Variants in ITPR1 observed in about 807,000 individuals in gnomAD.
The protein encoded by ITPR1 is inositol 1,4,5-trisphosphate-gated calcium channel ITPR1.
A neutral mutation model predicts 318.4 loss-of-function variants in ITPR1; 96 were observed. The ratio of observed to expected loss-of-function variants is 0.30; its 90% CI spans 0.26 to 0.36. ITPR1 has a LOEUF of 0.36. Ranked by LOEUF, ITPR1 falls within the 10% of genes least tolerant of loss-of-function variation. The pLI, the probability that ITPR1 is intolerant of heterozygous loss-of-function variation, is 1.00. For missense variants in ITPR1, 2,440 were observed against 3,460.2 expected, an observed-to-expected ratio of 0.71 and a Z score of 7.40; for synonymous variants, 1,312 against 1,289.9, an observed-to-expected ratio of 1.02 and a Z score of -0.37.
In ITPR1 at chr3:4,675,054, TTTTAATACAA is replaced by T. The variant is rs1227402187; in HGVS notation, c.2599-12_2599-3del. 1.4e-6 allele frequency: 2 copies of T among 1,434,800 alleles called. No individual in the cohort carries two copies. The allele number at this position is 1,434,800 out of a possible 1,614,324, so 88.9% of individuals were successfully genotyped here. A position where few individuals can be genotyped will look rare whatever the true frequency, so the allele number is the denominator to read the frequency against. Reference sequence around the variant, plus strand: ...TATGTAATACCGTCTTCTTCTTTTATTTTAATACAATAGGTTGTAAATTTAGCTAGGAATC... The same window carrying T: ...TATGTAATACCGTCTTCTTCTTTTATTAGGTTGTAAATTTAGCTAGGAATC... On this transcript the variant is annotated splice_polypyrimidine_tract_variant and splice_region_variant and intron_variant, in intron 22 of 61. Transcript: ENST00000649015.
At chr3:4,715,761 G>A (rs1412867292) in intron 39 of ITPR1, among the ~76,000 whole-genome samples, 1 of 152,196 alleles carries the variant, frequency 6.6e-6, no homozygotes, top group Non-Finnish European at 1.5e-5. Flanking sequence ...GCTGAGGCAG[G>A]AGAATTACTT....
intron 4 of ITPR1, among the ~76,000 whole-genome samples, chr3:4,620,832 C>T (rs1007963169): frequency 4.6e-5 from 7 of 152,120 alleles, no homozygotes; most frequent in African/African-American, 1.7e-4. Flanking sequence ...GGATCTCCCT[C>T]ACTCCAGATG....
At chr3:4,553,757 C>A (rs1005523205) in intron 4 of ITPR1, among the ~76,000 whole-genome samples, 1 of 151,652 alleles carries the variant, frequency 6.6e-6, no homozygotes, top group Non-Finnish European at 1.5e-5. Context: ...CCCACCACCA[C>A]GCCTGGCTAA....
chr3:4,799,096 A>T (rs1054505342), intron 53 of ITPR1, among the ~76,000 whole-genome samples: 2 of 152,246 alleles, frequency 1.3e-5, no homozygotes, highest in Non-Finnish European at 2.9e-5. Context: ...TTTTTAAAAT[A>T]TTGATTAAGG....
chr3:4,636,103 G>T (rs564240935), intron 5 of ITPR1, among the ~76,000 whole-genome samples: 1 of 150,042 alleles, frequency 6.7e-6, no homozygotes, highest in African/African-American at 2.5e-5. Context: ...CACGTGATCC[G>T]CCCAAAGTGC....
chr3:4,718,878 A>G (rs903617704), intron 40 of ITPR1, among the ~76,000 whole-genome samples: 13 of 152,144 alleles, frequency 8.5e-5, no homozygotes, highest in African/African-American at 2.7e-4. Context: ...TGATGTTGGC[A>G]CCCTTTAAGA....
At chr3:4,503,582 C>G (rs183666746) in intron 2 of ITPR1, among the ~76,000 whole-genome samples, 5 of 152,170 alleles carry the variant, frequency 3.3e-5, no homozygotes, top group Non-Finnish European at 7.4e-5. Context: ...TTGGTATCGT[C>G]TGGAGATATT....
chr3:4,626,900 C>G (rs1575787976), intron 4 of ITPR1, among the ~76,000 whole-genome samples: 1 of 152,168 alleles, frequency 6.6e-6, no homozygotes, highest in Non-Finnish European at 1.5e-5. Context: ...CTCACTGCAA[C>G]CTCTGCTTCC....
chr3:4,525,112 G>T (rs2082876512), intron 4 of ITPR1, among the ~76,000 whole-genome samples: 1 of 151,998 alleles, frequency 6.6e-6, no homozygotes, highest in Admixed American at 6.6e-5. Context: ...ATTGTTTGTG[G>T]GTGGGGACGT....
At chr3:4,526,745 G>A (rs2083012423) in intron 4 of ITPR1, among the ~76,000 whole-genome samples, 1 of 152,210 alleles carries the variant, frequency 6.6e-6, no homozygotes, top group Non-Finnish European at 1.5e-5. Flanking sequence ...CCCATAGTCA[G>A]TTAAATGTCA....
intron 4 of ITPR1, among the ~76,000 whole-genome samples, chr3:4,537,306 C>G (rs917621311): frequency 6.6e-6 from 1 of 152,140 alleles, no homozygotes; most frequent in Non-Finnish European, 1.5e-5. Context: ...ATTCACATTC[C>G]TTATGTCTTT....
intron 4 of ITPR1, among the ~76,000 whole-genome samples, chr3:4,597,350 A>T (rs191830532): frequency 1.2e-4 from 19 of 152,354 alleles, no homozygotes; most frequent in Admixed American, 1.0e-3. Flanking sequence ...CTATTAGTCC[A>T]GTAAATATAT....
intron 41 of ITPR1, among the ~76,000 whole-genome samples, chr3:4,726,130 A>G (rs2125307120): frequency 6.6e-6 from 1 of 152,250 alleles, no homozygotes; most frequent in Admixed American, 6.5e-5. Flanking sequence ...CCTGGGTTCA[A>G]GTGATTCTCC....
rs1270191837 is a variant in ITPR1 at position 4,770,087 on chromosome 3, G to T, written c.5979+1323G>T. ...GTTTCCTCCTAAGACACTCCAGTCA[G>T]CCGTGGTAGTTCTGTGTACTTGGGT... is the stretch of plus-strand genomic sequence containing the variant. On this transcript the variant is annotated intron_variant, in intron 46 of 61. Coordinates refer to ENST00000649015, the MANE Select transcript of ITPR1 (RefSeq NM_001378452.1). 2.0e-5 allele frequency among the ~76,000 whole-genome samples: 3 copies of T among 152,176 alleles called. No homozygotes were observed. In the South Asian group the frequency reaches 6.2e-4, roughly 31 times the overall value.
At chr3:4,828,506 C>T (rs1176344799) in intron 60 of ITPR1, among the ~76,000 whole-genome samples, 1 of 152,186 alleles carries the variant, frequency 6.6e-6, no homozygotes, top group Non-Finnish European at 1.5e-5. Flanking sequence ...ACCTTTTTCT[C>T]CTCCTGTCCT....
rs550756015 is a variant in ITPR1 at position 4,562,568 on chromosome 3, A to G, written c.163+41474A>G. On this transcript the variant is annotated intron_variant, in intron 4 of 61. Coordinates refer to ENST00000649015, the MANE Select transcript of ITPR1 (RefSeq NM_001378452.1). ...ATTGTTTATAGTAGGGATCATTTAA[A>G]TATGCATTACCAATATCTCAGGTTT... Among the ~76,000 whole-genome samples the G allele has an allele frequency of 2.0e-5, 3 of 152,296 alleles. No homozygotes were observed. The East Asian group carries it at 5.8e-4, about 29-fold the overall frequency.
chr3:4,512,526 C>G (rs2081912909), intron 2 of ITPR1, among the ~76,000 whole-genome samples: 1 of 152,108 alleles, frequency 6.6e-6, no homozygotes, highest in Non-Finnish European at 1.5e-5. Flanking sequence ...AAATTATCTT[C>G]CCTGAAGTAA....
At chr3:4,796,126 A>G (rs2047881710) in intron 53 of ITPR1, among the ~76,000 whole-genome samples, 1 of 152,228 alleles carries the variant, frequency 6.6e-6, no homozygotes, top group Non-Finnish European at 1.5e-5. Context: ...GCAGACATGT[A>G]TGGGTAATGA....
rs1301974310 is a variant in ITPR1 at position 4,782,658 on chromosome 3, G to A, written c.6427G>A (p.Glu2143Lys). The change falls in exon 50 of 62, where the codon GAA becomes AAA. Residue 2143 changes from glutamate (E) to lysine (K), a missense_variant. Physicochemically the swap from Glu to Lys is moderately conservative, Grantham distance 56. Coordinates refer to ENST00000649015, the MANE Select transcript of ITPR1 (RefSeq NM_001378452.1). ...IKKAYMQGEV[E>K]FEDGENGEDG... ...GAAAGCCTACATGCAAGGTGAAGTG[G>A]AATTTGAGGATGGAGAAAACGGTGA... 1 of 1,605,304 alleles carries A rather than the reference G, an allele frequency of 6.2e-7. No individual in the cohort carries two copies. The highest frequency in any genetic ancestry group is 8.5e-7 in the Non-Finnish European group (1 of 1,175,498).
Sources: gnomAD v4.1 joint callset for allele counts (sites outside exome capture counted in the v4.1 genomes callset) on GRCh38, gnomAD v4.1.1 for gene constraint, MANE v1.5 for transcripts, NCBI Gene and HGNC (gene_info 2026-07-23, HGNC 2026-07-21) for gene names.